Variants in PCDHA9 observed in about 807,000 individuals in gnomAD.
The protein encoded by PCDHA9 is protocadherin alpha 9, also known as protocadherin alpha-9.
In PCDHA9, 62 loss-of-function variants were observed where a neutral mutation model predicts 62.0. The ratio of observed to expected loss-of-function variants is 1.00; its 90% CI spans 0.81 to 1.23. The LOEUF is 1.23. Ranked by LOEUF, PCDHA9 falls within the 50% of genes most tolerant of loss-of-function variation. The pLI, the probability that PCDHA9 is intolerant of heterozygous loss-of-function variation, is 0.00. For synonymous variants in PCDHA9, 557 were observed against 567.6 expected, an observed-to-expected ratio of 0.98 and a Z score of 0.27; for missense variants, 1,205 against 1,249.8, an observed-to-expected ratio of 0.96 and a Z score of 0.54.
At chr5:140,957,225 G>C (rs1585702621) in intron 1 of PCDHA9, among the ~76,000 whole-genome samples, 1 of 152,072 alleles carries the variant, frequency 6.6e-6, no homozygotes, top group Admixed American at 6.6e-5. Flanking sequence ...ATTTGGCGAA[G>C]CATTTTGGCA....
intron 1 of PCDHA9, among the ~76,000 whole-genome samples, chr5:140,878,696 A>G (rs570754583): frequency 6.6e-6 from 1 of 152,360 alleles, no homozygotes; most frequent in East Asian, 1.9e-4. Context: ...TACATACCCC[A>G]GCCTGGTAGT....
At chr5:140,894,405 CT>C (rs1198263353) in intron 1 of PCDHA9, among the ~76,000 whole-genome samples, 2 of 151,926 alleles carry the variant, frequency 1.3e-5, no homozygotes, top group African/African-American at 4.8e-5. Context: ...CTTTGCTTTT[CT>C]TTTGTAGCTA....
chr5:141,004,806 T>C (rs1326385428), intron 3 of PCDHA9, among the ~76,000 whole-genome samples: 1 of 152,196 alleles, frequency 6.6e-6, no homozygotes, highest in Non-Finnish European at 1.5e-5. Flanking sequence ...CTGAGCTCAA[T>C]TGCAGATTTG....
At chr5:140,858,172 G>A (rs1554151243) in intron 1 of PCDHA9, 1 of 1,597,816 alleles carries the variant, frequency 6.3e-7, no homozygotes, top group South Asian at 1.1e-5. Context: ...TGTCCAGCTT[G>A]CTGGTGCTCA....
intron 1 of PCDHA9, chr5:140,851,594 A>T (rs1554145464): frequency 1.1e-6 from 1 of 917,164 alleles, no homozygotes; most frequent in African/African-American, 1.8e-5. Context: ...TTTGAAATTC[A>T]GTTTACAGAA....
chr5:140,925,108 G>GGGAA (rs1299910272), intron 1 of PCDHA9, among the ~76,000 whole-genome samples: 1 of 124,780 alleles, frequency 8.0e-6, no homozygotes, highest in East Asian at 2.1e-4. Flanking sequence ...GAAGGAAGGA[G>GGGAA]GGAAGGAAGG....
intron 1 of PCDHA9, among the ~76,000 whole-genome samples, chr5:140,922,977 G>C (rs935363543): frequency 3.9e-5 from 6 of 152,204 alleles, no homozygotes; most frequent in Non-Finnish European, 5.9e-5. Context: ...GCATATCTCA[G>C]ACAATAGGCA....
intron 1 of PCDHA9, chr5:140,867,087 G>T (rs1320862107): frequency 3.9e-5 from 6 of 151,970 alleles, no homozygotes; most frequent in African/African-American, 1.4e-4. Context: ...CTGTATTGTT[G>T]GAAATTAACA....
chr5:140,949,260 T>C (rs1292112980), intron 1 of PCDHA9, among the ~76,000 whole-genome samples: 1 of 151,804 alleles, frequency 6.6e-6, no homozygotes, highest in Non-Finnish European at 1.5e-5. Flanking sequence ...GATGAACATA[T>C]CACGTGCACT....
chr5:140,928,354 A>C (rs374655565), intron 1 of PCDHA9: 10 of 1,614,032 alleles, frequency 6.2e-6, no homozygotes, highest in African/African-American at 1.3e-5. Flanking sequence ...GTTGGATGTT[A>C]TCTCTGAAGG....
rs1405880656 is a variant in PCDHA9 at position 140,848,753 on chromosome 5, G to A, written c.258G>A (p.Val86=). 4 of 1,593,302 alleles carry A rather than the reference G, an allele frequency of 2.5e-6. No individual in the cohort carries two copies. Among genetic ancestry groups the A allele is most frequent in the African/African-American group, 1.3e-5 (1 of 74,262 alleles). ...ATCTGCAGAATGGCATTTTGTTTGT[G>A]AATTCTCGGATCGACCGCGAGGAGC... ...EVNLQNGILF[V]NSRIDREELC... is the part of the protein sequence containing the mutation. The change falls in exon 1 of 4, where the codon GTG becomes GTA. Residue 86 remains valine, a synonymous_variant. Transcript: ENST00000532602.
At chr5:140,876,810 C>A in intron 1 of PCDHA9, 2 of 1,614,154 alleles carry the variant, frequency 1.2e-6, no homozygotes, top group Non-Finnish European at 1.7e-6. Flanking sequence ...TGGAGGTGGC[C>A]GACGTGAACG....
chr5:140,917,332 G>GA, intron 1 of PCDHA9, among the ~76,000 whole-genome samples: 1 of 145,644 alleles, frequency 6.9e-6, no homozygotes, highest in Non-Finnish European at 1.5e-5. Context: ...GGCGGGGGAG[G>GA]GGGGGGATGG....
At position 140,857,221 on chromosome 5, in the gene PCDHA9, C is replaced by G. The variant is rs146953582; in HGVS notation, c.2394+6332C>G. On this transcript the variant is annotated intron_variant, in intron 1 of 3. Transcript: ENST00000532602. ...AGGTCACCTGCTCTCTGACGCCTCA[C>G]GTTCCGTTCAAGCTGGTGTCCACCT... is the stretch of plus-strand genomic sequence containing the variant. 4.4e-4 allele frequency: 711 copies of G among 1,598,474 alleles called. 36 individuals carry two copies. In the African/African-American group the frequency reaches 9.1e-3, roughly 20 times the overall value.
chr5:140,968,635 T>C, intron 1 of PCDHA9: 1 of 1,614,190 alleles, frequency 6.2e-7, no homozygotes, highest in East Asian at 2.2e-5. Context: ...TTTTTTACCA[T>C]CTAGCCCAGA....
intron 1 of PCDHA9, among the ~76,000 whole-genome samples, chr5:140,959,419 A>G (rs1554224077): frequency 2.0e-5 from 3 of 152,150 alleles, no homozygotes; most frequent in Non-Finnish European, 4.4e-5. Context: ...TTGATCTGAG[A>G]ATTTGTGTAT....
chr5:140,876,898 A>G (rs2056678585), intron 1 of PCDHA9: 38 of 1,614,056 alleles, frequency 2.4e-5, no homozygotes, highest in Non-Finnish European at 3.1e-5. Flanking sequence ...CCACATCTTC[A>G]CGGTGTCGGC....
chr5:140,857,573 G>A (rs142356019), intron 1 of PCDHA9: 83,412 of 1,596,632 alleles, frequency 0.052, 9,343 homozygotes, highest in Middle Eastern at 0.089. Flanking sequence ...CTACGTGTCG[G>A]TGCACGCGGA....
chr5:140,967,659 G>A, intron 1 of PCDHA9: 1 of 1,614,218 alleles, frequency 6.2e-7, no homozygotes, highest in Non-Finnish European at 8.5e-7. Flanking sequence ...TCCTTGAGCA[G>A]CTACACGTCG....
Sources: gnomAD v4.1 joint callset for allele counts (sites outside exome capture counted in the v4.1 genomes callset) on GRCh38, gnomAD v4.1.1 for gene constraint, MANE v1.5 for transcripts, NCBI Gene and HGNC (gene_info 2026-07-23, HGNC 2026-07-21) for gene names.